RPS6KA4: variants seen among roughly 807,000 people sequenced by gnomAD.
RPS6KA4 encodes ribosomal protein S6 kinase alpha-4.
RPS6KA4 carries 38 observed loss-of-function variants against 89.6 expected under a neutral mutation model. The observed-to-expected ratio is 0.42, with a 90% confidence interval of 0.33 to 0.56. The LOEUF (loss-of-function observed/expected upper bound fraction) is 0.56, where lower values mean the gene tolerates loss of function less well. Ranked by LOEUF, RPS6KA4 falls within the 20% of genes least tolerant of loss-of-function variation. The probability of loss-of-function intolerance (pLI) is 0.07; values close to 1 mark genes in which losing one functional copy is unlikely to be tolerated. For missense variants in RPS6KA4, 873 were observed against 1,098.8 expected (o/e 0.79, Z 2.90); for synonymous variants, 495 against 492.8 (o/e 1.00, Z -0.06).
At chr11:64,365,603 C>T (rs2036860361) in intron 9 of RPS6KA4, 138 bp downstream of exon 9, 4 of 833,178 alleles carry the variant, frequency 4.8e-6, no homozygotes, top group Admixed American at 5.8e-5. Context: ...GTCGCCACTT[C>T]AGTGGGACCT....
Position 64,361,394 on chromosome 11 carries a change from C to A in RPS6KA4, c.571-75C>A. 6.4e-7 allele frequency: 1 copy of A among 1,554,492 alleles called. No homozygotes were observed. Among genetic ancestry groups the A allele is most frequent in the South Asian group, 1.1e-5 (1 of 88,606 alleles). ...CTCCAACCTCACAAGTTGAGCGAGT[C>A]TTACTCTGGGCCTTGTGGGGCACTG... On this transcript the variant is annotated intron_variant, in intron 5 of 16. Transcript: ENST00000334205. The surrounding 1 kb of genome is among the most constrained non-coding windows in gnomAD (Gnocchi z 4.7).
At position 64,359,522 on chromosome 11, in the gene RPS6KA4, C is replaced by T. The variant is rs1480047451; in HGVS notation, c.127+73C>T. 41 of 1,528,000 alleles carry T rather than the reference C, an allele frequency of 2.7e-5. No homozygotes were observed. The East Asian group carries it at 4.4e-4, about 16-fold the overall frequency. 94.7% of individuals were successfully genotyped at this position (1,528,000 alleles called of 1,614,324 possible). A position where few individuals can be genotyped will look rare whatever the true frequency, so the allele number is the denominator to read the frequency against. Reference sequence around the variant, plus strand: ...GACCTCCTGCCTGCTCACTCTTGGGCCTGGGCCAGGCCACTGAGCAGGCCC... The same window carrying T: ...GACCTCCTGCCTGCTCACTCTTGGGTCTGGGCCAGGCCACTGAGCAGGCCC... On this transcript the variant is annotated intron_variant, in intron 2 of 16. Transcript: ENST00000334205.
Position 64,371,466 on chromosome 11 carries a change from C to T in RPS6KA4, c.2305C>T (p.Leu769=), listed in dbSNP as rs2037074537. ...GGCCCCCCGCCGAGCCAACGGCCCC[C>T]TGCCCCCCTCCTAATCCCCACCACT... ...KGAPRRANGP[L]PPS is the part of the protein sequence containing the mutation. The change falls in exon 17 of 17, where the codon CTG becomes TTG. Residue 769 remains leucine (L), a synonymous_variant. Coordinates refer to ENST00000334205, the MANE Select transcript of RPS6KA4 (RefSeq NM_003942.3). 8 of 1,298,528 alleles carry T rather than the reference C, an allele frequency of 6.2e-6. No individual in the cohort carries two copies. The highest frequency in any genetic ancestry group is 2.4e-4 in the Middle Eastern group (1 of 4,228). The allele number at this position is 1,298,528 out of a possible 1,614,324, so 80.4% of individuals were successfully genotyped here.
At position 64,370,076 on chromosome 11, in the gene RPS6KA4, TC is replaced by T; in HGVS notation, c.1798-147del. On this transcript the variant is annotated intron_variant, in intron 14 of 16. Coordinates refer to ENST00000334205, the MANE Select transcript of RPS6KA4 (RefSeq NM_003942.3). The surrounding 1 kb of genome is among the most constrained non-coding windows in gnomAD (Gnocchi z 4.1). ...TCGCTCTGGTGCTAGAGTCGGAGCA[TC>T]CGGGTATTGGGGGTTAGAAGTCAGG... 4 of 1,076,198 alleles carry T rather than the reference TC, an allele frequency of 3.7e-6. No homozygotes were observed. The highest frequency in any genetic ancestry group is 5.2e-6 in the Non-Finnish European group (4 of 774,302). 66.7% of individuals were successfully genotyped at this position (1,076,198 alleles called of 1,614,324 possible). A position where few individuals can be genotyped will look rare whatever the true frequency, so the allele number is the denominator to read the frequency against.
In RPS6KA4 at chr11:64,368,472, C is replaced by T. The variant is rs1221790001; in HGVS notation, c.1205C>T (p.Ser402Leu). The change falls in exon 11 of 17, where the codon TCG becomes TTG. Residue 402 changes from serine to leucine, a missense_variant. Ser to Leu is a moderately radical substitution (Grantham distance 145, BLOSUM62 -2). Transcript: ENST00000334205. The stretch of plus-strand genomic sequence containing the variant: ...CGCCTTCGCCTTCGCCTCCAGGACT[C>T]GCCCTTCTTCCAGCAGTACGAGCTG... ...AVARSAMMQD[S>L]PFFQQYELDL... is the part of the protein sequence containing the mutation. The T allele has an allele frequency of 1.3e-6, 2 of 1,551,526 alleles. No individual in the cohort carries two copies. The highest frequency in any genetic ancestry group is 8.7e-7 in the Non-Finnish European group (1 of 1,148,390).
chr11:64,365,062 C>T (rs912011766), intron 8 of RPS6KA4, among the ~76,000 whole-genome samples: 1 of 152,018 alleles, frequency 6.6e-6, no homozygotes, highest in African/African-American at 2.4e-5. Context: ...CTTTTCACAC[C>T]AATTCTATTA....
rs990716804 is a variant in RPS6KA4 at position 64,370,437 on chromosome 11, G to A, written c.1957+53G>A. 7.5e-6 allele frequency: 12 copies of A among 1,607,678 alleles called. No homozygotes were observed. The highest frequency in any genetic ancestry group is 4.0e-5 in the African/African-American group (3 of 74,552). ...GTTGGGGAGGGGGACGCTGGGACAG[G>A]GATGGTCACTGGGCCAGGTGTCCTG... On this transcript the variant is annotated intron_variant, in intron 15 of 16. Transcript: ENST00000334205. The surrounding 1 kb of genome is among the most constrained non-coding windows in gnomAD (Gnocchi z 4.1).
intron 3 of RPS6KA4, 36 bp from the exon 4 acceptor site, chr11:64,360,441 A>G: frequency 1.3e-6 from 2 of 1,594,860 alleles, no homozygotes; most frequent in African/African-American, 1.3e-5. Context: ...AGGCCACCTG[A>G]CGGGGCTGCT....
Position 64,368,721 on chromosome 11 carries a change from A to T in RPS6KA4, c.1352A>T (p.Gln451Leu). 1 of 1,577,654 alleles carries T rather than the reference A, an allele frequency of 6.3e-7. No homozygotes were observed. Among genetic ancestry groups the T allele is most frequent in the Non-Finnish European group, 8.6e-7 (1 of 1,162,136 alleles). The change falls in exon 12 of 17, where the codon CAG becomes CTG. Residue 451 changes from glutamine (Q) to leucine (L), a missense_variant. By Grantham distance (113) the Gln-to-Leu change is moderately radical. Around this residue, in one of 4 missense-constraint regions of RPS6KA4, gnomAD observed 542 missense variants for 736.4 expected, o/e 0.74. Coordinates refer to ENST00000334205, the MANE Select transcript of RPS6KA4 (RefSeq NM_003942.3). ...TCCCCCAGGCTGGAGGCGAACACGCAGCGCGAAGTGGCTGCCCTGCGCCTG... is the reference window on the plus strand; with the variant it reads ...TCCCCCAGGCTGGAGGCGAACACGCTGCGCGAAGTGGCTGCCCTGCGCCTG... ...ILSRRLEANTQREVAALRLCQ... is the reference protein window; with the variant it reads ...ILSRRLEANTLREVAALRLCQ...
intron 12 of RPS6KA4, 78 bp from the exon 13 acceptor site, chr11:64,369,367 CG>C: frequency 2.8e-6 from 4 of 1,417,610 alleles, no homozygotes; most frequent in Non-Finnish European, 3.7e-6. Flanking sequence ...GCCCGAAGGC[CG>C]GGGGCGGGGC....
At chr11:64,360,100 C>T in intron 2 of RPS6KA4, 63 bp from the exon 3 acceptor site, 2 of 1,456,792 alleles carry the variant, frequency 1.4e-6, no homozygotes, top group Non-Finnish European at 1.8e-6. Flanking sequence ...TCGCCCCCAC[C>T]CCCCAAGCCT....
rs1316688301 is a variant in RPS6KA4, at chr11:64,370,633, C to T, written c.2028C>T (p.Asp676=). ...TGCGGGGCAGCTCGTGGCTGCAGGACGGCAGCGCGCGCTCCTCGCCCCCGC... is the reference window on the plus strand; with the variant it reads ...TGCGGGGCAGCTCGTGGCTGCAGGATGGCAGCGCGCGCTCCTCGCCCCCGC... ...EGLRGSSWLQ[D]GSARSSPPLR... is the part of the protein sequence containing the mutation. Residue 676 remains aspartate (D), a synonymous_variant, in exon 16 of 17, where the codon GAC becomes GAT. Coordinates refer to ENST00000334205, the MANE Select transcript of RPS6KA4 (RefSeq NM_003942.3). The surrounding 1 kb of genome is among the most constrained non-coding windows in gnomAD (Gnocchi z 4.1). 3 of 1,575,428 alleles carry T rather than the reference C, an allele frequency of 1.9e-6. No individual in the cohort carries two copies. Among genetic ancestry groups the T allele is most frequent in the Admixed American group, 3.5e-5 (2 of 56,972 alleles).
rs1419309648 is a variant in RPS6KA4, at chr11:64,369,066, C to T, written c.1428+269C>T. Among the ~76,000 whole-genome samples, 11 of 151,984 alleles carry T rather than the reference C, an allele frequency of 7.2e-5. No homozygotes were observed. The East Asian group carries it at 2.1e-3, about 29-fold the overall frequency. On this transcript the variant is annotated intron_variant, in intron 12 of 16. Coordinates refer to ENST00000334205, the MANE Select transcript of RPS6KA4 (RefSeq NM_003942.3). ...CAGCACTTTGGGAGGTCGAGGTGGG[C>T]GGATCACTTGAAGTCGGGAGTTCGA...
At position 64,370,342 on chromosome 11, in the gene RPS6KA4, G is replaced by A. The variant is rs753939688; in HGVS notation, c.1915G>A (p.Ala639Thr). 1 of 1,606,524 alleles carries A rather than the reference G, an allele frequency of 6.2e-7. No individual in the cohort carries two copies. The highest frequency in any genetic ancestry group is 1.8e-5 in the Admixed American group (1 of 56,868). ...REGRFSLDGE[A>T]WQGVSEEAKE... is the part of the protein sequence containing the mutation. The stretch of plus-strand genomic sequence containing the variant: ...GGGGCGCTTCTCCCTTGACGGGGAG[G>A]CCTGGCAGGGTGTATCCGAGGAAGC... The change falls in exon 15 of 17, where the codon GCC becomes ACC. Residue 639 changes from alanine to threonine, a missense_variant. This residue lies in a region of RPS6KA4 where 278 missense variants were observed against 284.8 expected (regional missense o/e 0.98). Transcript: ENST00000334205. This position sits in a 1 kb window ranked among gnomAD's most constrained non-coding sequence, Gnocchi z 4.1.
chr11:64,368,970 C>A (rs1335023806), intron 12 of RPS6KA4, among the ~76,000 whole-genome samples, 173 bp downstream of exon 12: 3 of 151,796 alleles, frequency 2.0e-5, no homozygotes, highest in Non-Finnish European at 4.4e-5. Context: ...GGCCTGAGGA[C>A]GGGAAGGCGG....
At chr11:64,363,283 C>T (rs1411360501) in intron 8 of RPS6KA4, among the ~76,000 whole-genome samples, 2 of 152,120 alleles carry the variant, frequency 1.3e-5, no homozygotes, top group African/African-American at 4.8e-5. Flanking sequence ...ACATAGGAAT[C>T]TATGTCTTTG....
chr11:64,359,413 G>C lies in RPS6KA4; in HGVS notation c.91G>C (p.Glu31Gln). 1 of 1,613,560 alleles carries C rather than the reference G, an allele frequency of 6.2e-7. No homozygotes were observed. The change falls in exon 2 of 17, where the codon GAG becomes CAG. Residue 31 changes from glutamate (E) to glutamine (Q), a missense_variant. Physicochemically the swap from Glu to Gln is conservative, Grantham distance 29 (BLOSUM62 2). Around this residue, in one of 4 missense-constraint regions of RPS6KA4, gnomAD observed 49 missense variants for 51.9 expected, o/e 0.94. Coordinates refer to ENST00000334205, the MANE Select transcript of RPS6KA4 (RefSeq NM_003942.3). ...LTGHEEKVSV[E>Q]NFELLKVLGT... Reference sequence around the variant, plus strand: ...CGGGCACGAGGAGAAGGTGAGCGTGGAGAACTTCGAGCTGCTCAAGGTGCT... The same window carrying C: ...CGGGCACGAGGAGAAGGTGAGCGTGCAGAACTTCGAGCTGCTCAAGGTGCT...
chr11:64,359,760 T>TC (rs979790988), intron 2 of RPS6KA4: 19 of 533,052 alleles, frequency 3.6e-5, no homozygotes, highest in Non-Finnish European at 2.0e-5. Context: ...CAATATGGGA[T>TC]CCCCCTCCCA....
At chr11:64,359,569 C>T (rs2036685357) in intron 2 of RPS6KA4, 120 bp downstream of exon 2, 1 of 1,045,124 alleles carries the variant, frequency 9.6e-7, no homozygotes, top group Non-Finnish European at 1.4e-6. Flanking sequence ...CCGGCACAGC[C>T]TGCCTTGCCT....
Sources: allele counts gnomAD v4.1 joint callset (sites outside exome capture counted in the v4.1 genomes callset), GRCh38; gene constraint gnomAD v4.1.1; regional missense constraint gnomAD v4.1.1; non-coding constraint Gnocchi (gnomAD v3.1); transcripts MANE v1.5; gene names NCBI Gene and HGNC (gene_info 2026-07-23, HGNC 2026-07-21).